UGP2: variants seen among roughly 807,000 people sequenced by gnomAD.
UGP2 encodes UTP--glucose-1-phosphate uridylyltransferase.
A neutral mutation model predicts 49.0 loss-of-function variants in UGP2; 40 were observed. The observed-to-expected ratio is 0.82, with a 90% confidence interval of 0.63 to 1.06. The LOEUF (loss-of-function observed/expected upper bound fraction) is 1.06. Among genes scored for constraint, UGP2 ranks in the 50% least tolerant of loss-of-function variants. The probability of loss-of-function intolerance (pLI) is 0.00; values close to 1 mark genes in which losing one functional copy is unlikely to be tolerated. For synonymous variants in UGP2, 225 were observed against 213.0 expected (o/e 1.06, Z -0.49); for missense variants, 460 against 603.5 (o/e 0.76, Z 2.49).
intron 3 of UGP2, among the ~76,000 whole-genome samples, chr2:63,873,230 C>T (rs557470927): frequency 6.6e-6 from 1 of 152,160 alleles, no homozygotes; most frequent in Non-Finnish European, 1.5e-5. Flanking sequence ...AAAGAAAAGT[C>T]AAAATGGAAT....
At chr2:63,861,174 A>T (rs1447048912) in intron 3 of UGP2, among the ~76,000 whole-genome samples, 1 of 152,010 alleles carries the variant, frequency 6.6e-6, no homozygotes, top group Admixed American at 6.6e-5. Flanking sequence ...TTTTATATAT[A>T]TATAAAGGTT....
intron 3 of UGP2, among the ~76,000 whole-genome samples, chr2:63,880,069 C>G (rs1366082187): frequency 2.6e-5 from 4 of 152,148 alleles, no homozygotes; most frequent in Non-Finnish European, 4.4e-5. Flanking sequence ...CCTGGTCCCA[C>G]TTGCTGACTC....
At position 63,857,829 on chromosome 2, in the gene UGP2, C is replaced by T. The variant is rs1225686895; in HGVS notation, c.148C>T (p.His50Tyr). 1 of 1,613,312 alleles carries T rather than the reference C, an allele frequency of 6.2e-7. No homozygotes were observed. Residue 50 changes from histidine to tyrosine, a missense_variant and splice_region_variant, in exon 3 of 10, where the codon CAC (histidine) becomes TAC (tyrosine). By Grantham distance (83) the His-to-Tyr change is moderately conservative. Coordinates refer to ENST00000337130, the MANE Select transcript of UGP2 (RefSeq NM_006759.4). The stretch of plus-strand genomic sequence containing the variant: ...GTAACAATGACTTCTATTTTCACAG[C>T]ACACCAAAAAAGACCTGGATGGATT... The part of the protein sequence containing the change: ...LTTASSHEFE[H>Y]TKKDLDGFRK...
chr2:63,856,992 G>C (rs1669486582), intron 2 of UGP2: 1 of 370,508 alleles, frequency 2.7e-6, no homozygotes, highest in Non-Finnish European at 5.2e-6. Flanking sequence ...GAGAAGTAGA[G>C]AAAGATATTG....
At chr2:63,856,028 T>C in intron 1 of UGP2, 1 of 287,888 alleles carries the variant, frequency 3.5e-6, no homozygotes, top group Non-Finnish European at 6.6e-6. Context: ...GGCAGCCCTA[T>C]GCCCTTCTCC....
intron 3 of UGP2, among the ~76,000 whole-genome samples, chr2:63,871,222 T>A (rs1057229390): frequency 6.6e-6 from 1 of 152,050 alleles, no homozygotes; most frequent in Non-Finnish European, 1.5e-5. Flanking sequence ...TCTCCCCTAA[T>A]CCCCTGGCAA....
chr2:63,862,452 G>A (rs909936753), intron 3 of UGP2, among the ~76,000 whole-genome samples: 3 of 151,960 alleles, frequency 2.0e-5, no homozygotes, highest in South Asian at 2.1e-4. Context: ...ACATTCCTTC[G>A]TGTACAGGAC....
At position 63,887,576 on chromosome 2, in the gene UGP2, C is replaced by G; in HGVS notation, c.1246C>G (p.Leu416Val). The G allele has an allele frequency of 6.2e-7, 1 of 1,614,148 alleles. No homozygotes were observed. The highest frequency in any genetic ancestry group is 8.5e-7 in the Non-Finnish European group (1 of 1,180,012). ...CCTCTATAGTCTTAATGCAGGATCT[C>G]TGACAATGAGTGAAAAGCGGGAATT... ...SNLYSLNAGS[L>V]TMSEKREFPT... Residue 416 changes from leucine (L) to valine (V), a missense_variant, in exon 8 of 10, where the codon CTG (leucine) becomes GTG (valine). Transcript: ENST00000337130.
At position 63,845,365 on chromosome 2, in the gene UGP2, T is replaced by G. The variant is rs139566026; in HGVS notation, c.19+3161T>G. Among the ~76,000 whole-genome samples the G allele has an allele frequency of 5.9e-3, 904 of 152,286 alleles. 5 individuals are homozygous for G. Among genetic ancestry groups the G allele is most frequent in the Admixed American group, 0.012 (178 of 15,304 alleles). ...ATATTAGGTAGCCAGTCAATTTTACTTTTCTTTCCTGAAATGATGGTGGCC... is the reference window on the plus strand; with the variant it reads ...ATATTAGGTAGCCAGTCAATTTTACGTTTCTTTCCTGAAATGATGGTGGCC... On this transcript the variant is annotated intron_variant, in intron 1 of 9. Transcript: ENST00000337130.
At chr2:63,890,404 A>G (rs1039654867) in intron 9 of UGP2, among the ~76,000 whole-genome samples, 16 of 152,194 alleles carry the variant, frequency 1.1e-4, no homozygotes, top group Admixed American at 8.5e-4. Flanking sequence ...AAAAATGACA[A>G]TTTGTACTGA....
intron 4 of UGP2, among the ~76,000 whole-genome samples, chr2:63,883,075 C>T (rs1250166334): frequency 2.0e-5 from 3 of 152,168 alleles, no homozygotes; most frequent in Non-Finnish European, 2.9e-5. Context: ...AGTCATTAAT[C>T]GTACACCATA....
chr2:63,859,908 A>C (rs1040386324), intron 3 of UGP2, among the ~76,000 whole-genome samples: 2 of 152,200 alleles, frequency 1.3e-5, no homozygotes, highest in Non-Finnish European at 2.9e-5. Context: ...GAGGGCACAA[A>C]TGTGTTTTAT....
At chr2:63,855,574 C>G in intron 1 of UGP2, 1 of 309,388 alleles carries the variant, frequency 3.2e-6, no homozygotes, top group Non-Finnish European at 6.2e-6. Context: ...CAGGATCTGC[C>G]TCTGTCACCC....
intron 3 of UGP2, among the ~76,000 whole-genome samples, chr2:63,873,967 A>G (rs1670739753): frequency 6.6e-6 from 1 of 152,214 alleles, no homozygotes; most frequent in South Asian, 2.1e-4. Flanking sequence ...AACACTATTC[A>G]TCATGCCTCT....
intron 3 of UGP2, among the ~76,000 whole-genome samples, chr2:63,877,246 T>A (rs1670969066): frequency 1.3e-5 from 2 of 152,242 alleles, no homozygotes; most frequent in African/African-American, 4.8e-5. Flanking sequence ...AGCAAGATAT[T>A]TTCCAACTAT....
chr2:63,843,680 T>C lies in UGP2; in HGVS notation c.19+1476T>C, dbSNP rs1408009966. Among the ~76,000 whole-genome samples the C allele has an allele frequency of 2.6e-5, 4 of 152,246 alleles. No homozygotes were observed. The East Asian group carries it at 7.7e-4, about 29-fold the overall frequency. On this transcript the variant is annotated intron_variant, in intron 1 of 9. Transcript: ENST00000337130. ...AAGAGTTGCTGTGTATGTTTGTCATTACTTTGTCATCCACTTTTTTTAAAA... is the reference window on the plus strand; with the variant it reads ...AAGAGTTGCTGTGTATGTTTGTCATCACTTTGTCATCCACTTTTTTTAAAA...
At chr2:63,877,798 C>T (rs1671009975) in intron 3 of UGP2, among the ~76,000 whole-genome samples, 1 of 150,862 alleles carries the variant, frequency 6.6e-6, no homozygotes, top group Admixed American at 6.6e-5. Context: ...TCGAGACCAT[C>T]CTGGCTAACA....
intron 5 of UGP2, 30 bp from the exon 6 acceptor site, chr2:63,885,558 AT>A: frequency 6.7e-7 from 1 of 1,500,720 alleles, no homozygotes; most frequent in Non-Finnish European, 8.9e-7. Flanking sequence ...TACAGGGTCA[AT>A]ATTGAAAAAG....
chr2:63,852,277 A>G (rs923355551), intron 1 of UGP2, among the ~76,000 whole-genome samples: 1 of 152,232 alleles, frequency 6.6e-6, no homozygotes, highest in Non-Finnish European at 1.5e-5. Flanking sequence ...ATGTTTGGTT[A>G]TTAGATATGC....
Sources: allele counts gnomAD v4.1 joint callset (sites outside exome capture counted in the v4.1 genomes callset), GRCh38; gene constraint gnomAD v4.1.1; transcripts MANE v1.5; gene names NCBI Gene and HGNC (gene_info 2026-07-23, HGNC 2026-07-21).